The following TAB2 variants were observed in gnomAD, a reference collection of about 807,000 sequenced individuals.
TAB2 encodes the protein TGF-beta activated kinase 1 (MAP3K7) binding protein 2.
In TAB2, 3 loss-of-function variants were observed where a neutral mutation model predicts 65.0. The ratio of observed to expected loss-of-function variants is 0.05; its 90% CI spans 0.02 to 0.12. TAB2 has a LOEUF of 0.12. Ranked by LOEUF, TAB2 falls within the 10% of genes least tolerant of loss-of-function variation. TAB2 has a pLI of 1.00. For synonymous variants in TAB2, 298 were observed against 285.1 expected, an observed-to-expected ratio of 1.05 and a Z score of -0.46; for missense variants, 623 against 840.3, an observed-to-expected ratio of 0.74 and a Z score of 3.20.
At chr6:149,336,993 G>A (rs1398281938) in intron 1 of TAB2, among the ~76,000 whole-genome samples, 1 of 151,512 alleles carries the variant, frequency 6.6e-6, no homozygotes, top group Non-Finnish European at 1.5e-5. Flanking sequence ...CTTTTAATAA[G>A]ATTTTAAGCG....
At chr6:149,235,499 C>G (rs1000563112) in intron 1 of TAB2, among the ~76,000 whole-genome samples, 24 of 152,192 alleles carry the variant, frequency 1.6e-4, no homozygotes, top group African/African-American at 5.8e-4. Context: ...TTTGAGGTAG[C>G]AGCCTTGTTT....
At chr6:149,322,964 T>A (rs1170659520) in intron 1 of TAB2, among the ~76,000 whole-genome samples, 1 of 152,176 alleles carries the variant, frequency 6.6e-6, no homozygotes, top group Non-Finnish European at 1.5e-5. Context: ...ATTTTTAGAC[T>A]GGAAGATCAC....
At chr6:149,274,510 C>T (rs978047253) in intron 1 of TAB2, among the ~76,000 whole-genome samples, 4 of 152,154 alleles carry the variant, frequency 2.6e-5, no homozygotes, top group African/African-American at 9.7e-5. Context: ...CAATTTTATG[C>T]CCTGTGATAA....
upstream of TAB2, among the ~76,000 whole-genome samples, chr6:149,316,063 A>T (rs959281658): frequency 5.9e-5 from 9 of 152,220 alleles, no homozygotes; most frequent in African/African-American, 2.2e-4. Context: ...AAAATTATTT[A>T]ATCAATTATT....
In TAB2 at chr6:149,409,837, G is replaced by T; in HGVS notation, c.*118G>T. 1 of 1,153,598 alleles carries T rather than the reference G, an allele frequency of 8.7e-7. No individual in the cohort carries two copies. Among genetic ancestry groups the T allele is most frequent in the South Asian group, 1.2e-5 (1 of 80,052 alleles). The allele number at this position is 1,153,598 out of a possible 1,614,324, so 71.5% of individuals were successfully genotyped here. On this transcript the variant is annotated 3_prime_UTR_variant, in exon 7 of 7. Coordinates refer to ENST00000637181, the MANE Select transcript of TAB2 (RefSeq NM_001292034.3). ...TGTCAAATTGAAGGTGTGACAAGAT[G>T]GTGTTCTGCTAATGTTAAATGTCAG...
At chr6:149,406,051 GAAACA>G (rs1044430408) in intron 6 of TAB2, among the ~76,000 whole-genome samples, 8 of 152,224 alleles carry the variant, frequency 5.3e-5, no homozygotes, top group Non-Finnish European at 1.0e-4. Flanking sequence ...AGTTGTGGGG[GAAACA>G]AAACAAAGAC....
Position 149,404,270 on chromosome 6 carries a change from TTGA to T in TAB2, c.1939+5090_1939+5092del, listed in dbSNP as rs1782587023. ...GGAATACGCTGAAAATTATAAAACA[TTGA>T]TGAAGGAAATTAAAGAAGACACAGA... On this transcript the variant is annotated intron_variant, in intron 6 of 6. Transcript: ENST00000637181. Among the ~76,000 whole-genome samples the T allele has an allele frequency of 2.6e-5, 4 of 152,216 alleles. No individual in the cohort carries two copies. The South Asian group carries it at 8.3e-4, about 32-fold the overall frequency.
intron 3 of TAB2, among the ~76,000 whole-genome samples, chr6:149,381,611 T>G (rs1052803329): frequency 6.7e-6 from 1 of 149,174 alleles, no homozygotes; most frequent in Non-Finnish European, 1.5e-5. Flanking sequence ...TCTCGCTCTT[T>G]CGTCCAAATT....
At chr6:149,298,118 G>GA (rs1189442699) in intron 1 of TAB2, among the ~76,000 whole-genome samples, 1 of 151,588 alleles carries the variant, frequency 6.6e-6, no homozygotes, top group Non-Finnish European at 1.5e-5. Context: ...CAATTTAATT[G>GA]AAAAAAAATT....
At chr6:149,245,292 C>G (rs1298089943) in intron 1 of TAB2, 1 of 152,196 alleles carries the variant, frequency 6.6e-6, no homozygotes, top group African/African-American at 2.4e-5. Context: ...TAAGAGCAAC[C>G]TGGGCACATG....
chr6:149,260,211 C>G (rs1364143631), intron 1 of TAB2, among the ~76,000 whole-genome samples: 3 of 152,230 alleles, frequency 2.0e-5, no homozygotes, highest in Admixed American at 6.5e-5. Flanking sequence ...ATCAGGACAG[C>G]CCCTGGCATC....
intron 1 of TAB2, among the ~76,000 whole-genome samples, chr6:149,338,604 G>T (rs1433896559): frequency 3.9e-5 from 6 of 152,162 alleles, no homozygotes; most frequent in Admixed American, 3.9e-4. Context: ...ACATATTTTT[G>T]CTTCACATGA....
intron 1 of TAB2, among the ~76,000 whole-genome samples, chr6:149,248,443 G>GGAAGGAAT (rs1293071617): frequency 1.4e-5 from 2 of 143,542 alleles, no homozygotes; most frequent in African/African-American, 5.3e-5. Flanking sequence ...AAGGAAGGAA[G>GGAAGGAAT]GAAGGAAGAA....
At chr6:149,307,444 C>A (rs1016997359) in intron 1 of TAB2, among the ~76,000 whole-genome samples, 12 of 152,066 alleles carry the variant, frequency 7.9e-5, no homozygotes, top group African/African-American at 2.7e-4. Flanking sequence ...TCCACCACAC[C>A]CCCACCCCTG....
intron 1 of TAB2, among the ~76,000 whole-genome samples, chr6:149,238,565 C>T (rs749217796): frequency 1.2e-4 from 19 of 152,192 alleles, no homozygotes; most frequent in Non-Finnish European, 2.4e-4. Flanking sequence ...TGCCCTGGGC[C>T]CTGGCCTCCC....
At chr6:149,384,229 C>A (rs757362253) in intron 3 of TAB2, among the ~76,000 whole-genome samples, 47 of 152,160 alleles carry the variant, frequency 3.1e-4, no homozygotes, top group Non-Finnish European at 5.3e-4. Flanking sequence ...TACGTACATA[C>A]ATAAATTTGG....
chr6:149,341,744 A>G (rs2114780245), intron 1 of TAB2, among the ~76,000 whole-genome samples: 1 of 152,314 alleles, frequency 6.6e-6, no homozygotes, highest in African/African-American at 2.4e-5. Context: ...GTTACTGGAA[A>G]TGCAGGGAAT....
intron 1 of TAB2, among the ~76,000 whole-genome samples, chr6:149,336,708 C>T (rs1779945236): frequency 6.6e-6 from 1 of 152,068 alleles, no homozygotes; most frequent in Non-Finnish European, 1.5e-5. Context: ...TGATAAGCCT[C>T]AAGGTGAAGA....
chr6:149,236,537 G>A (rs1294461365), intron 1 of TAB2, among the ~76,000 whole-genome samples: 1 of 152,166 alleles, frequency 6.6e-6, no homozygotes, highest in Non-Finnish European at 1.5e-5. Context: ...CTCACTCAGT[G>A]CTTTCTGTTG....
Sources: allele counts gnomAD v4.1 joint callset (sites outside exome capture counted in the v4.1 genomes callset), GRCh38; gene constraint gnomAD v4.1.1; transcripts MANE v1.5; gene names NCBI Gene and HGNC (gene_info 2026-07-23, HGNC 2026-07-21).